The following KCNK4 variants were observed in gnomAD, a reference collection of about 807,000 sequenced individuals.
KCNK4 encodes the protein potassium channel subfamily K member 4.
KCNK4 carries 22 observed loss-of-function variants against 28.8 expected under a neutral mutation model. That is an observed-to-expected ratio of 0.76 (90% confidence interval 0.55 to 1.09). The LOEUF (loss-of-function observed/expected upper bound fraction) is 1.09, where lower values mean the gene tolerates loss of function less well. Among genes scored for constraint, KCNK4 ranks in the 50% least tolerant of loss-of-function variants. KCNK4 has a pLI of 0.00. For synonymous variants in KCNK4, 263 were observed against 252.9 expected (o/e 1.04, Z -0.38); for missense variants, 483 against 546.3 (o/e 0.88, Z 1.15).
At chr11:64,294,515 C>CAA (rs771542870) in intron 2 of KCNK4, among the ~76,000 whole-genome samples, 33,337 of 91,982 alleles carry the variant, frequency 0.36, 7,221 homozygotes, top group East Asian at 0.66. Context: ...TGATCGGTCT[C>CAA]AAAAAAAAAA....
rs1006765769 is a variant in KCNK4, at chr11:64,299,882, C to T, written c.*156C>T. 2 of 1,430,956 alleles carry T rather than the reference C, an allele frequency of 1.4e-6. No individual in the cohort carries two copies. The highest frequency in any genetic ancestry group is 2.8e-5 in the African/African-American group (2 of 70,688). The allele number at this position is 1,430,956 out of a possible 1,614,324, so 88.6% of individuals were successfully genotyped here. A position where few individuals can be genotyped will look rare whatever the true frequency, so the allele number is the denominator to read the frequency against. The stretch of plus-strand genomic sequence containing the variant: ...CCTCCTCCCTGGCCCCGGCCCTTCC[C>T]TCACTTCCATCCATCTCTAGACCCC... On this transcript the variant is annotated 3_prime_UTR_variant, in exon 7 of 7. Coordinates refer to ENST00000422670, the MANE Select transcript of KCNK4 (RefSeq NM_033310.3).
rs1291763830 is a variant in KCNK4 at position 64,297,004 on chromosome 11, G to C, written c.313+3G>C. 5 of 1,551,326 alleles carry C rather than the reference G, an allele frequency of 3.2e-6. No homozygotes were observed. The South Asian group carries it at 3.7e-5, about 11-fold the overall frequency. ...AGGGACCATCATCACCACCATCGGT[G>C]GGGGAGGGGATTGGCATGTGGGGGG... is the stretch of plus-strand genomic sequence containing the variant. On this transcript the variant is annotated splice_donor_region_variant and intron_variant, in intron 3 of 6. Coordinates refer to ENST00000422670, the MANE Select transcript of KCNK4 (RefSeq NM_033310.3).
At chr11:64,297,853 T>C (rs1356951302) in intron 5 of KCNK4, among the ~76,000 whole-genome samples, 200 bp downstream of exon 5, 1 of 152,178 alleles carries the variant, frequency 6.6e-6, no homozygotes, top group Non-Finnish European at 1.5e-5. Context: ...CCATGCATGC[T>C]CACACATATA....
chr11:64,297,980 C>A, intron 5 of KCNK4, 130 bp from the exon 6 acceptor site: 1 of 1,099,402 alleles, frequency 9.1e-7, no homozygotes, highest in African/African-American at 1.6e-5. Context: ...TGCACTCACA[C>A]ACTCAAGCAC....
At chr11:64,292,492 C>T (rs2034656551) in intron 1 of KCNK4, among the ~76,000 whole-genome samples, 1 of 152,162 alleles carries the variant, frequency 6.6e-6, no homozygotes, top group South Asian at 2.1e-4. Context: ...CCGCAGCGGG[C>T]GAGCAGGGAC....
intron 1 of KCNK4, chr11:64,292,082 CG>C: frequency 1.8e-6 from 2 of 1,095,902 alleles, no homozygotes; most frequent in South Asian, 2.0e-5. Context: ...CCATGGGGGC[CG>C]GGGATGCCGG....
In KCNK4 at chr11:64,293,026, G is replaced by C; in HGVS notation, c.8G>C (p.Ser3Thr). Reference protein sequence around the residue: MRSTTLLALLALV... With the variant: MRTTTLLALLALV... ...CCGGCGCCTGGGCGCGCCATGCGCA[G>C]CACCACGCTCCTGGCCCTGCTGGCG... The change falls in exon 2 of 7, where the codon AGC becomes ACC. Residue 3 changes from serine (S) to threonine (T), a missense_variant. Ser to Thr is a moderately conservative substitution (Grantham distance 58). Coordinates refer to ENST00000422670, the MANE Select transcript of KCNK4 (RefSeq NM_033310.3). 6.5e-7 allele frequency: 1 copy of C among 1,545,904 alleles called. No homozygotes were observed. Among genetic ancestry groups the C allele is most frequent in the Non-Finnish European group, 8.7e-7 (1 of 1,145,572 alleles).
chr11:64,298,564 C>G (rs2034836459), intron 6 of KCNK4, among the ~76,000 whole-genome samples: 1 of 152,108 alleles, frequency 6.6e-6, no homozygotes, highest in Admixed American at 6.6e-5. Context: ...TGCCTGTAGT[C>G]CCAGCTACTC....
At chr11:64,296,765 G>T (rs1004490031) in intron 2 of KCNK4, 113 bp from the exon 3 acceptor site, 2 of 1,144,910 alleles carry the variant, frequency 1.7e-6, no homozygotes, top group South Asian at 5.5e-5. Context: ...CCAAAGGGAA[G>T]GGGAGAACAG....
At chr11:64,292,065 G>A in intron 1 of KCNK4, 1 of 1,127,294 alleles carries the variant, frequency 8.9e-7, no homozygotes, top group Admixed American at 4.6e-5. Context: ...TGGCGCGGCC[G>A]GCACGCCCAT....
At chr11:64,292,053 C>G in intron 1 of KCNK4, 1 of 1,134,376 alleles carries the variant, frequency 8.8e-7, no homozygotes, top group Non-Finnish European at 1.1e-6. Context: ...CTCTGGGTGC[C>G]CTGGCGCGGC....
In KCNK4 at chr11:64,299,799, A is replaced by G; in HGVS notation, c.*73A>G. 1.3e-6 allele frequency: 2 copies of G among 1,535,790 alleles called. No homozygotes were observed. The highest frequency in any genetic ancestry group is 2.4e-5 in the East Asian group (1 of 41,010). On this transcript the variant is annotated 3_prime_UTR_variant, in exon 7 of 7. Transcript: ENST00000422670. ...CCCGGCATGCCTGGCTTGTTTGACC[A>G]AAGAGCCCTCTTTCCACGAGACTGA...
At position 64,299,962 on chromosome 11, in the gene KCNK4, C is replaced by T. The variant is rs771521362; in HGVS notation, c.*236C>T. ...CGGGTGTATCCCTCACAGCACCTCA[C>T]GACTGTGCCTCAAAGCCTGCATCAA... On this transcript the variant is annotated 3_prime_UTR_variant, in exon 7 of 7. Transcript: ENST00000422670. 3.7e-5 allele frequency: 25 copies of T among 682,642 alleles called. No homozygotes were observed. The highest frequency in any genetic ancestry group is 5.6e-5 in the Non-Finnish European group (23 of 409,512). 42.3% of individuals were successfully genotyped at this position (682,642 alleles called of 1,614,324 possible).
At chr11:64,297,391 T>G (rs866000249) in intron 4 of KCNK4, 76 bp from the exon 5 acceptor site, 16 of 1,580,324 alleles carry the variant, frequency 1.0e-5, no homozygotes, top group Middle Eastern at 1.7e-4. Flanking sequence ...CACAGGCTCC[T>G]GGGGGCGGGA....
chr11:64,299,050 G>GAAAAAAA (rs56097945), intron 6 of KCNK4, among the ~76,000 whole-genome samples: 33 of 85,062 alleles, frequency 3.9e-4, no homozygotes, highest in African/African-American at 4.7e-4. Flanking sequence ...AAAAAAAGAA[G>GAAAAAAA]AAAAAAAAAA....
At position 64,293,133 on chromosome 11, in the gene KCNK4, C is replaced by A. The variant is rs1377947427; in HGVS notation, c.115C>A (p.Leu39Met). The change falls in exon 2 of 7, where the codon CTG (leucine) becomes ATG (methionine). Residue 39 changes from leucine to methionine, a missense_variant. Physicochemically the swap from Leu to Met is conservative, Grantham distance 15. Transcript: ENST00000422670. ...QPHEQQAQRELGEVREKFLRA... is the reference protein window; with the variant it reads ...QPHEQQAQREMGEVREKFLRA... ...CCACGAGCAGCAGGCCCAGAGGGAG[C>A]TGGGGGAGGTCCGAGAGAAGTTCCT... 6.5e-7 allele frequency: 1 copy of A among 1,541,524 alleles called. No homozygotes were observed.
chr11:64,298,045 T>C (rs2034820465), intron 5 of KCNK4, 65 bp from the exon 6 acceptor site: 2 of 1,569,220 alleles, frequency 1.3e-6, no homozygotes, highest in Non-Finnish European at 1.7e-6. Flanking sequence ...AGGGGGGCAC[T>C]GAACCAGAGC....
Position 64,297,521 on chromosome 11 carries a change from C to A in KCNK4, c.529C>A (p.Leu177Met), listed in dbSNP as rs1235138684. 6.2e-7 allele frequency: 1 copy of A among 1,614,202 alleles called. No individual in the cohort carries two copies. Among genetic ancestry groups the A allele is most frequent in the East Asian group, 2.2e-5 (1 of 44,884 alleles). ...AGTGCTGTCGGCGATGCTTTTCCTG[C>A]TGATCGGCTGCCTGCTCTTTGTCCT... ...VRVLSAMLFL[L>M]IGCLLFVLTP... Residue 177 changes from leucine (L) to methionine (M), a missense_variant, in exon 5 of 7, where the codon CTG becomes ATG. Transcript: ENST00000422670.
At chr11:64,292,177 CG>C in intron 1 of KCNK4, 1 of 854,542 alleles carries the variant, frequency 1.2e-6, no homozygotes, top group Non-Finnish European at 1.4e-6. Context: ...CGTGGGCGCG[CG>C]GGTCTTTGTG....
Sources: allele counts gnomAD v4.1 joint callset (sites outside exome capture counted in the v4.1 genomes callset), GRCh38; gene constraint gnomAD v4.1.1; transcripts MANE v1.5; gene names NCBI Gene and HGNC (gene_info 2026-07-23, HGNC 2026-07-21).